STAT4: variants seen among roughly 807,000 people sequenced by gnomAD.
STAT4 encodes signal transducer and activator of transcription 4.
A neutral mutation model predicts 110.5 loss-of-function variants in STAT4; 42 were observed. That is an observed-to-expected ratio of 0.38 (90% CI 0.30 to 0.49). The LOEUF is 0.49. Among genes scored for constraint, STAT4 ranks in the 20% least tolerant of loss-of-function variants. The probability of loss-of-function intolerance (pLI) is 0.95; values close to 1 mark genes in which losing one functional copy is unlikely to be tolerated. For synonymous variants in STAT4, 284 were observed against 302.2 expected (o/e 0.94, Z 0.63); for missense variants, 632 against 887.9 (o/e 0.71, Z 3.66).
chr2:191,046,462 C>T lies in STAT4; in HGVS notation c.1252-5314G>A, dbSNP rs115569369. On this transcript the variant is annotated intron_variant, in intron 14 of 23. Transcript: ENST00000392320. This position sits in a 1 kb window ranked among gnomAD's most constrained non-coding sequence, Gnocchi z 4.6. The stretch of plus-strand genomic sequence containing the variant: ...TCTCCTGTGCCTAGATATGTTTGCA[C>T]TGAAGGTGTCATCTGTGCTTGGGAG... 3.8e-4 allele frequency among the ~76,000 whole-genome samples: 58 copies of T among 152,252 alleles called. No homozygotes were observed. The highest frequency in any genetic ancestry group is 3.4e-3 in the Middle Eastern group (1 of 294).
chr2:191,034,728 G>T, intron 17 of STAT4, 131 bp from the exon 18 acceptor site: 1 of 699,992 alleles, frequency 1.4e-6, no homozygotes, highest in Non-Finnish European at 2.6e-6. Context: ...GCAATGTACT[G>T]AGTGCTAGGT....
Position 191,058,265 on chromosome 2 carries a change from T to G in STAT4, c.1095-46A>C. 6.6e-7 allele frequency: 1 copy of G among 1,509,888 alleles called. No individual in the cohort carries two copies. The highest frequency in any genetic ancestry group is 9.1e-7 in the Non-Finnish European group (1 of 1,096,236). The allele number at this position is 1,509,888 out of a possible 1,614,324, so 93.5% of individuals were successfully genotyped here. ...TTTAAAACAAGCTATTTAATAGATC[T>G]AGGAATAACTTTCTATGATAGTTTA... On this transcript the variant is annotated intron_variant, in intron 11 of 23. Coordinates refer to ENST00000392320, the MANE Select transcript of STAT4 (RefSeq NM_003151.4). The surrounding 1 kb of genome is among the most constrained non-coding windows in gnomAD (Gnocchi z 4.3).
rs773897419 is a variant in STAT4, at chr2:191,069,792, A to G, written c.466-21T>C. 5 of 1,570,958 alleles carry G rather than the reference A, an allele frequency of 3.2e-6. No homozygotes were observed. In the Admixed American group the frequency reaches 8.9e-5, roughly 28 times the overall value. ...GTCATCTTTTCACAAAAGAAAACAT[A>G]CTCACTCTGCTGTCACAATTAAGCA... On this transcript the variant is annotated intron_variant, in intron 5 of 23. Transcript: ENST00000392320.
At chr2:191,114,570 C>T (rs1244788920) in intron 3 of STAT4, among the ~76,000 whole-genome samples, 1 of 152,194 alleles carries the variant, frequency 6.6e-6, no homozygotes, top group African/African-American at 2.4e-5. Flanking sequence ...TTTCCATTCT[C>T]TGCATATTTT....
At chr2:191,089,265 C>G (rs1014341222) in intron 3 of STAT4, among the ~76,000 whole-genome samples, 1 of 152,018 alleles carries the variant, frequency 6.6e-6, no homozygotes, top group Non-Finnish European at 1.5e-5. Flanking sequence ...AGATGTCTCA[C>G]CAAAGAAGAT....
At position 191,033,887 on chromosome 2, in the gene STAT4, T is replaced by C; in HGVS notation, c.1715+24A>G. On this transcript the variant is annotated intron_variant, in intron 19 of 23. Coordinates refer to ENST00000392320, the MANE Select transcript of STAT4 (RefSeq NM_003151.4). The surrounding 1 kb of genome is among the most constrained non-coding windows in gnomAD (Gnocchi z 6.9). ...AAAAAAAGAACATAATTAACTCATATGAAAAATATAGCCTATAACTTACCC... is the reference window on the plus strand; with the variant it reads ...AAAAAAAGAACATAATTAACTCATACGAAAAATATAGCCTATAACTTACCC... The C allele has an allele frequency of 2.6e-6, 4 of 1,542,014 alleles. No homozygotes were observed. Among genetic ancestry groups the C allele is most frequent in the Non-Finnish European group, 3.5e-6 (4 of 1,134,982 alleles).
chr2:191,129,658 G>C (rs1362551388), intron 3 of STAT4, among the ~76,000 whole-genome samples: 1 of 152,102 alleles, frequency 6.6e-6, no homozygotes, highest in African/African-American at 2.4e-5. Context: ...ACTCAAAACA[G>C]TTCATTTAAC....
At chr2:191,036,660 T>C (rs891274574) in intron 16 of STAT4, among the ~76,000 whole-genome samples, 2 of 152,180 alleles carry the variant, frequency 1.3e-5, no homozygotes, top group Admixed American at 1.3e-4. Flanking sequence ...AGTTGTACTT[T>C]CCTTTCCTTC....
chr2:191,090,065 T>C lies in STAT4; in HGVS notation c.274-13740A>G, dbSNP rs985972371. On this transcript the variant is annotated intron_variant, in intron 3 of 23. Transcript: ENST00000392320. This position sits in a 1 kb window ranked among gnomAD's most constrained non-coding sequence, Gnocchi z 4.2. The stretch of plus-strand genomic sequence containing the variant: ...TAAATTATGGGACTTTAGTTAATAA[T>C]AATATAATATTGTAATAATATAAAA... Among the ~76,000 whole-genome samples the C allele has an allele frequency of 2.0e-5, 3 of 152,106 alleles. No individual in the cohort carries two copies. The highest frequency in any genetic ancestry group is 7.2e-5 in the African/African-American group (3 of 41,422).
chr2:191,105,046 A>C (rs1441955405), intron 3 of STAT4, among the ~76,000 whole-genome samples: 1 of 152,252 alleles, frequency 6.6e-6, no homozygotes, highest in Non-Finnish European at 1.5e-5. Flanking sequence ...AAAATACAAA[A>C]TAAAAGACAT....
intron 3 of STAT4, among the ~76,000 whole-genome samples, chr2:191,127,758 A>C (rs1298290694): frequency 6.6e-6 from 1 of 152,228 alleles, no homozygotes; most frequent in Non-Finnish European, 1.5e-5. Context: ...CCACAAAGTA[A>C]TTATTGCATA....
Position 191,046,170 on chromosome 2 carries a change from C to T in STAT4, c.1252-5022G>A, listed in dbSNP as rs1465101070. On this transcript the variant is annotated intron_variant, in intron 14 of 23. Transcript: ENST00000392320. This position sits in a 1 kb window ranked among gnomAD's most constrained non-coding sequence, Gnocchi z 4.6. ...CAATGGTGCAGAACATTTGAGAGGC[C>T]TCAGGCAAGTGCACAGATAGAGACC... 6.6e-6 allele frequency among the ~76,000 whole-genome samples: 1 copy of T among 152,178 alleles called. No individual in the cohort carries two copies. Among genetic ancestry groups the T allele is most frequent in the Non-Finnish European group, 1.5e-5 (1 of 68,028 alleles).
At chr2:191,134,654 A>G (rs984166368) in intron 3 of STAT4, among the ~76,000 whole-genome samples, 35 of 152,356 alleles carry the variant, frequency 2.3e-4, no homozygotes, top group African/African-American at 3.8e-4. Flanking sequence ...AAGCCAAAGT[A>G]TACTACCCAA....
intron 4 of STAT4, among the ~76,000 whole-genome samples, 157 bp from the exon 5 acceptor site, chr2:191,073,347 T>C (rs796333108): frequency 5.9e-5 from 9 of 152,342 alleles, no homozygotes; most frequent in African/African-American, 2.2e-4. Flanking sequence ...TTTAATGACA[T>C]AAAATTTAAA....
rs1439654682 is a variant in STAT4 at position 191,147,115 on chromosome 2, T to C, written c.129-358A>G. Among the ~76,000 whole-genome samples the C allele has an allele frequency of 6.6e-6, 1 of 151,924 alleles. No homozygotes were observed. Among genetic ancestry groups the C allele is most frequent in the African/African-American group, 2.4e-5 (1 of 41,372 alleles). On this transcript the variant is annotated intron_variant, in intron 2 of 23. Transcript: ENST00000392320. This position sits in a 1 kb window ranked among gnomAD's most constrained non-coding sequence, Gnocchi z 4.1. ...TGACAGTTACCCAAAATATTAAACA[T>C]AAAATTGCTATATGACCCAGCAATT...
chr2:191,092,039 AG>A (rs1426281521), intron 3 of STAT4, among the ~76,000 whole-genome samples: 4 of 152,228 alleles, frequency 2.6e-5, no homozygotes, highest in African/African-American at 7.2e-5. Flanking sequence ...TCAGTAAAAA[AG>A]TGCTTATTTT....
chr2:191,058,594 T>C lies in STAT4; in HGVS notation c.1094+116A>G, dbSNP rs906898027. ...TCAAATATTTGAAGTACATTCATTA[T>C]ATAATGTTAGATAAGTAAATTTAAA... On this transcript the variant is annotated intron_variant, in intron 11 of 23. Coordinates refer to ENST00000392320, the MANE Select transcript of STAT4 (RefSeq NM_003151.4). The surrounding 1 kb of genome is among the most constrained non-coding windows in gnomAD (Gnocchi z 4.3). 1.0e-5 allele frequency: 7 copies of C among 678,944 alleles called. No homozygotes were observed. Among genetic ancestry groups the C allele is most frequent in the Non-Finnish European group, 1.8e-5 (7 of 394,640 alleles). The allele number at this position is 678,944 out of a possible 1,614,324, so 42.1% of individuals were successfully genotyped here.
In STAT4 at chr2:191,046,791, TCCTGGTTCCTGACACGGGTTCCTAAGA is replaced by T. The variant is rs1242330940; in HGVS notation, c.1252-5670_1252-5644del. 1.3e-5 allele frequency among the ~76,000 whole-genome samples: 2 copies of T among 152,196 alleles called. No individual in the cohort carries two copies. Among genetic ancestry groups the T allele is most frequent in the South Asian group, 4.2e-4 (2 of 4,818 alleles). ...TCTGTTCTAAAAATTTGGTCTTTGA[TCCTGGTTCCTGACACGGGTTCCTAAGA>T]CCTTTGTAATTTCCTTAGTGATAGG... is the stretch of plus-strand genomic sequence containing the variant. On this transcript the variant is annotated intron_variant, in intron 14 of 23. Transcript: ENST00000392320. The surrounding 1 kb of genome is among the most constrained non-coding windows in gnomAD (Gnocchi z 4.6).
At chr2:191,120,773 T>C (rs1012767576) in intron 3 of STAT4, among the ~76,000 whole-genome samples, 1 of 152,146 alleles carries the variant, frequency 6.6e-6, no homozygotes, top group African/African-American at 2.4e-5. Context: ...TAAAAATTAA[T>C]TCAAGATGGA....
Sources: allele counts gnomAD v4.1 joint callset (sites outside exome capture counted in the v4.1 genomes callset), GRCh38; gene constraint gnomAD v4.1.1; non-coding constraint Gnocchi (gnomAD v3.1); transcripts MANE v1.5; gene names NCBI Gene and HGNC (gene_info 2026-07-23, HGNC 2026-07-21).